Variants in UGT2A1 observed in about 807,000 individuals in gnomAD.
UGT2A1 encodes UDP glucuronosyltransferase family 2 member A1 complex locus.
UGT2A1 carries 61 observed loss-of-function variants against 45.4 expected under a neutral mutation model. That is an observed-to-expected ratio of 1.34 (90% confidence interval 1.09 to 1.66). The LOEUF (loss-of-function observed/expected upper bound fraction) is 1.66, where lower values mean the gene tolerates loss of function less well. Among genes scored for constraint, UGT2A1 ranks in the 40% most tolerant of loss-of-function variants. UGT2A1 has a pLI of 0.00. For synonymous variants in UGT2A1, 229 were observed against 196.2 expected, an observed-to-expected ratio of 1.17 and a Z score of -1.40; for missense variants, 649 against 574.3, an observed-to-expected ratio of 1.13 and a Z score of -1.33.
intron 3 of UGT2A1, among the ~76,000 whole-genome samples, chr4:69,607,861 C>T (rs1232132361): frequency 1.3e-5 from 2 of 152,102 alleles, no homozygotes; most frequent in Non-Finnish European, 2.9e-5. Context: ...AAAACAAAAC[C>T]ACAATGAGAT....
At chr4:69,632,102 T>G (rs989402512) in intron 3 of UGT2A1, among the ~76,000 whole-genome samples, 1 of 152,198 alleles carries the variant, frequency 6.6e-6, no homozygotes, top group Admixed American at 6.5e-5. Flanking sequence ...AAATGAAAGA[T>G]CTATTCCTAT....
chr4:69,620,004 T>C (rs1350542426), intron 3 of UGT2A1, among the ~76,000 whole-genome samples: 1 of 151,980 alleles, frequency 6.6e-6, no homozygotes, highest in Non-Finnish European at 1.5e-5. Flanking sequence ...AAGAGACATA[T>C]ATGACAAACC....
intron 3 of UGT2A1, among the ~76,000 whole-genome samples, chr4:69,630,918 T>G (rs1721344556): frequency 6.6e-6 from 1 of 151,248 alleles, no homozygotes; most frequent in Non-Finnish European, 1.5e-5. Flanking sequence ...CTGTGGTGTG[T>G]GCTAAAGAAT....
At position 69,647,588 on chromosome 4, in the gene UGT2A1, A is replaced by G. The variant is rs1472881841; in HGVS notation, c.57T>C (p.Leu19=). 6.2e-7 allele frequency: 1 copy of G among 1,608,746 alleles called. No individual in the cohort carries two copies. The highest frequency in any genetic ancestry group is 1.7e-4 in the Middle Eastern group (1 of 6,020). The change falls in exon 2 of 7, where the codon CTT becomes CTC. Residue 19 remains leucine, a synonymous_variant. Transcript: ENST00000286604. The part of the protein sequence containing the change: ...SLQISLIGTT[L]GGNVLIWPME... ...TTGGCCAAATCAAAACATTCCCACC[A>G]AGAGTGGTTCCTATGAGACTTATCT...
At chr4:69,610,651 G>A (rs148288709) in intron 3 of UGT2A1, among the ~76,000 whole-genome samples, 16 of 152,232 alleles carry the variant, frequency 1.1e-4, no homozygotes, top group Middle Eastern at 3.4e-3. Flanking sequence ...TCAAGGGTGG[G>A]TCTCTAATCC....
intron 2 of UGT2A1, among the ~76,000 whole-genome samples, chr4:69,644,184 G>A (rs1357766114): frequency 2.0e-5 from 3 of 151,638 alleles, no homozygotes; most frequent in Admixed American, 6.6e-5. Flanking sequence ...TTAGCCTCAT[G>A]TCTTAAGACT....
intron 2 of UGT2A1, among the ~76,000 whole-genome samples, chr4:69,638,016 G>T (rs370140166): frequency 2.6e-5 from 4 of 150,992 alleles, no homozygotes; most frequent in African/African-American, 9.7e-5. Context: ...AGGAAGGAAG[G>T]AAGGAAAGAA....
Position 69,599,241 on chromosome 4 carries a change from C to A in UGT2A1, c.996+5G>T. ...GCATAAAATCCTCCACTGTTGTAGA[C>A]CTACCTTAGGTAAAGGTTTGGCAGG... On this transcript the variant is annotated splice_donor_5th_base_variant and intron_variant, in intron 4 of 6. Transcript: ENST00000286604. 6.2e-7 allele frequency: 1 copy of A among 1,612,454 alleles called. No individual in the cohort carries two copies. The highest frequency in any genetic ancestry group is 1.1e-5 in the South Asian group (1 of 90,882).
chr4:69,607,969 G>A (rs1455419072), intron 3 of UGT2A1, among the ~76,000 whole-genome samples: 1 of 152,204 alleles, frequency 6.6e-6, no homozygotes, highest in African/African-American at 2.4e-5. Context: ...TACACTGTTG[G>A]TGGGACTGTA....
At chr4:69,609,942 C>A (rs1397764025) in intron 3 of UGT2A1, among the ~76,000 whole-genome samples, 1 of 152,036 alleles carries the variant, frequency 6.6e-6, no homozygotes. Context: ...AGTAGAAATT[C>A]TACATATGTG....
chr4:69,634,812 C>T lies in UGT2A1; in HGVS notation c.847+879G>A, dbSNP rs560753993. On this transcript the variant is annotated intron_variant, in intron 3 of 6. Coordinates refer to ENST00000286604, the MANE Select transcript of UGT2A1 (RefSeq NM_001252275.3). ...AAATTAGCCTACAGCAAACATCACC[C>T]TTAATGGTAAACAATGCATGATTTT... is the stretch of plus-strand genomic sequence containing the variant. 3.3e-5 allele frequency among the ~76,000 whole-genome samples: 5 copies of T among 152,208 alleles called. No homozygotes were observed. The South Asian group carries it at 1.0e-3, about 32-fold the overall frequency.
chr4:69,639,332 C>G (rs376044252), intron 2 of UGT2A1: 9 of 1,613,532 alleles, frequency 5.6e-6, no homozygotes, highest in African/African-American at 1.3e-5. Context: ...TATGGTCAAT[C>G]CACAGCATTA....
chr4:69,614,418 C>T (rs9997689), intron 3 of UGT2A1, among the ~76,000 whole-genome samples: 38,051 of 151,344 alleles, frequency 0.25, 5,149 homozygotes, highest in African/African-American at 0.35. Context: ...AGATTCATTG[C>T]AATCCCTATC....
chr4:69,626,447 T>C (rs1361717909), intron 3 of UGT2A1, among the ~76,000 whole-genome samples: 3 of 151,714 alleles, frequency 2.0e-5, no homozygotes, highest in African/African-American at 7.2e-5. Flanking sequence ...AGTTGTTTTA[T>C]GACCTGTTTC....
chr4:69,627,737 A>G (rs903443403), intron 3 of UGT2A1, among the ~76,000 whole-genome samples: 3 of 151,976 alleles, frequency 2.0e-5, no homozygotes, highest in Admixed American at 6.6e-5. Context: ...CCTGTATCAA[A>G]TTATGAGCAA....
chr4:69,590,638 A>T (rs1282031206), intron 6 of UGT2A1, among the ~76,000 whole-genome samples: 1 of 150,206 alleles, frequency 6.7e-6, no homozygotes, highest in Non-Finnish European at 1.5e-5. Context: ...ACATGTGTTG[A>T]GTGTGTGTGT....
At position 69,599,331 on chromosome 4, in the gene UGT2A1, C is replaced by T; in HGVS notation, c.911G>A (p.Trp304Ter). ...KAEIWLIRTYWDFEFPRPYLP... is the reference protein window; with the variant it reads ...KAEIWLIRTY Reference sequence around the variant, plus strand: ...GTATGGACGAGGAAATTCAAAATCCCAATATGTTCGGATTAACCAAATTTC... The same window carrying T: ...GTATGGACGAGGAAATTCAAAATCCTAATATGTTCGGATTAACCAAATTTC... The change falls in exon 4 of 7, where the codon TGG becomes TAG. Residue 304 changes from tryptophan (W) to a stop codon, truncating the protein, a stop_gained. Coordinates refer to ENST00000286604, the MANE Select transcript of UGT2A1 (RefSeq NM_001252275.3). LOFTEE classifies it high-confidence loss of function. 4 of 1,613,766 alleles carry T rather than the reference C, an allele frequency of 2.5e-6. No individual in the cohort carries two copies. The highest frequency in any genetic ancestry group is 3.4e-6 in the Non-Finnish European group (4 of 1,179,890).
chr4:69,596,421 T>TAAGAAATA (rs1718936853), intron 4 of UGT2A1: 1 of 1,450,606 alleles, frequency 6.9e-7, no homozygotes, highest in Middle Eastern at 1.9e-4. Context: ...AGGTGTAGCA[T>TAAGAAATA]CATAAGAAAA....
chr4:69,639,474 T>C lies in UGT2A1; in HGVS notation c.716-3652A>G, dbSNP rs111732023. On this transcript the variant is annotated intron_variant, in intron 2 of 6. Transcript: ENST00000286604. ...TGAAGCCAGTACAGTCACATTGTGA[T>C]TTCTTTGAATCAACTCTTCTAGAAT... The C allele has an allele frequency of 1.7e-5, 28 of 1,613,168 alleles. 1 individual carries two copies. Among genetic ancestry groups the C allele is most frequent in the African/African-American group, 9.3e-5 (7 of 75,014 alleles).
Sources: allele counts gnomAD v4.1 joint callset (sites outside exome capture counted in the v4.1 genomes callset), GRCh38; gene constraint gnomAD v4.1.1; transcripts MANE v1.5; gene names NCBI Gene and HGNC (gene_info 2026-07-23, HGNC 2026-07-21).